The following RALGAPA2 variants were observed in gnomAD, a reference collection of about 807,000 sequenced individuals.
The protein encoded by RALGAPA2 is Ral GTPase activating protein catalytic subunit alpha 2.
Under a neutral mutation model 230.4 loss-of-function variants are expected in RALGAPA2, and 139 were observed. The observed-to-expected ratio is 0.60, with a 90% CI of 0.53 to 0.69. The LOEUF (loss-of-function observed/expected upper bound fraction) is 0.69, where lower values mean the gene tolerates loss of function less well. Among genes scored for constraint, RALGAPA2 ranks in the 30% least tolerant of loss-of-function variants. The pLI is 0.00. For missense variants in RALGAPA2, 2,163 were observed against 2,276.0 expected, an observed-to-expected ratio of 0.95 and a Z score of 1.01; for synonymous variants, 847 against 837.8, an observed-to-expected ratio of 1.01 and a Z score of -0.19.
At position 20,620,691 on chromosome 20, in the gene RALGAPA2, C is replaced by T. The variant is rs1249347389; in HGVS notation, c.1234-61G>A. The T allele has an allele frequency of 6.7e-6, 9 of 1,346,176 alleles. No individual in the cohort carries two copies. The East Asian group carries it at 2.0e-4, about 30-fold the overall frequency. 83.4% of individuals were successfully genotyped at this position (1,346,176 alleles called of 1,614,324 possible). A position where few individuals can be genotyped will look rare whatever the true frequency, so the allele number is the denominator to read the frequency against. On this transcript the variant is annotated intron_variant, in intron 10 of 39. Coordinates refer to ENST00000202677, the MANE Select transcript of RALGAPA2 (RefSeq NM_020343.4). ...ACACACTCAGATCAGTATAGGGCAG[C>T]ATCACGGACATTCCCAATGAGCATC... is the stretch of plus-strand genomic sequence containing the variant.
chr20:20,528,982 G>A (rs756204865), intron 27 of RALGAPA2, among the ~76,000 whole-genome samples: 15 of 151,916 alleles, frequency 9.9e-5, no homozygotes, highest in Non-Finnish European at 1.8e-4. Context: ...TGTTCTCCTC[G>A]TTCCTTGTAG....
rs956393074 is a variant in RALGAPA2, at chr20:20,530,059, A to G, written c.3582+1628T>C. ...AGCCAACTTGTTTTCACTTTAATAA[A>G]TTATATGTAAATATTTCTCCATGGC... On this transcript the variant is annotated intron_variant, in intron 27 of 39. Transcript: ENST00000202677. Among the ~76,000 whole-genome samples the G allele has an allele frequency of 2.0e-5, 3 of 152,240 alleles. No homozygotes were observed. In the East Asian group the frequency reaches 5.8e-4, roughly 29 times the overall value.
chr20:20,609,257 C>T (rs1603047978), intron 14 of RALGAPA2, among the ~76,000 whole-genome samples: 1 of 152,138 alleles, frequency 6.6e-6, no homozygotes, highest in East Asian at 1.9e-4. Flanking sequence ...CCTCAGCCTC[C>T]CAAAGTGCTG....
At chr20:20,701,832 G>C (rs1391213637) in intron 1 of RALGAPA2, among the ~76,000 whole-genome samples, 1 of 151,990 alleles carries the variant, frequency 6.6e-6, no homozygotes, top group Non-Finnish European at 1.5e-5. Flanking sequence ...ACAAGGTCAG[G>C]AGTTCGAGAC....
In RALGAPA2 at chr20:20,512,223, C is replaced by CCACACACACA. The variant is rs2062727247; in HGVS notation, c.4856+289_4856+290insTGTGTGTGTG. ...AAACAAACAACAACAACAACCCCCC[C>CCACACACACA]TACACACACACACACATACACACAC... On this transcript the variant is annotated intron_variant, in intron 32 of 39. Transcript: ENST00000202677. 2.2e-5 allele frequency among the ~76,000 whole-genome samples: 3 copies of CCACACACACA among 135,722 alleles called. No homozygotes were observed. In the South Asian group the frequency reaches 6.9e-4, roughly 31 times the overall value. The allele number at this position is 135,722 out of a possible 152,430, so 89.0% of individuals were successfully genotyped here.
intron 10 of RALGAPA2, among the ~76,000 whole-genome samples, chr20:20,621,320 G>A (rs1232054982): frequency 6.6e-6 from 1 of 152,164 alleles, no homozygotes; most frequent in African/African-American, 2.4e-5. Context: ...GGGACATGCT[G>A]GTACAGCAAG....
At chr20:20,407,981 T>C (rs906397920) in intron 38 of RALGAPA2, among the ~76,000 whole-genome samples, 16 of 152,214 alleles carry the variant, frequency 1.1e-4, no homozygotes, top group African/African-American at 3.6e-4. Flanking sequence ...TCCTGGAGCC[T>C]TGACAATCCA....
At chr20:20,401,298 G>A (rs1476478894) in intron 38 of RALGAPA2, among the ~76,000 whole-genome samples, 1 of 152,100 alleles carries the variant, frequency 6.6e-6, no homozygotes, top group African/African-American at 2.4e-5. Context: ...CAAGATTTTA[G>A]AAGAAAAATC....
intron 2 of RALGAPA2, among the ~76,000 whole-genome samples, chr20:20,677,629 ATTTTTTTTTTTT>A (rs758379115): frequency 6.5e-4 from 42 of 64,310 alleles, no homozygotes; most frequent in African/African-American, 3.6e-4. Flanking sequence ...GATTTGACCC[ATTTTTTTTTTTT>A]TTTTTTTTTT....
At chr20:20,489,024 T>G (rs1227641171) in intron 36 of RALGAPA2, among the ~76,000 whole-genome samples, 2 of 152,224 alleles carry the variant, frequency 1.3e-5, no homozygotes, top group African/African-American at 4.8e-5. Flanking sequence ...TGGAGATGCA[T>G]GAAAGGCCAG....
intron 33 of RALGAPA2, among the ~76,000 whole-genome samples, chr20:20,510,811 T>C (rs1354527929): frequency 6.6e-6 from 1 of 152,224 alleles, no homozygotes; most frequent in Non-Finnish European, 1.5e-5. Flanking sequence ...GGTTTTAACC[T>C]TTCCAACACT....
intron 37 of RALGAPA2, among the ~76,000 whole-genome samples, chr20:20,468,499 T>C (rs2061469486): frequency 6.6e-6 from 1 of 152,188 alleles, no homozygotes; most frequent in Admixed American, 6.5e-5. Context: ...AGTAATTCAG[T>C]TCTAGGTCCT....
intron 14 of RALGAPA2, among the ~76,000 whole-genome samples, chr20:20,606,384 T>C (rs1033889512): frequency 6.6e-6 from 1 of 152,176 alleles, no homozygotes; most frequent in African/African-American, 2.4e-5. Context: ...TCCTGATCTA[T>C]CTACCTAGGT....
Position 20,635,247 on chromosome 20 carries a change from A to G in RALGAPA2, c.1005+171T>C, listed in dbSNP as rs186561636. Reference sequence around the variant, plus strand: ...AATGCACAGCAAGTGATTCAAACTCACAACTCCCTCTGAAACCTTGGCATT... The same window carrying G: ...AATGCACAGCAAGTGATTCAAACTCGCAACTCCCTCTGAAACCTTGGCATT... On this transcript the variant is annotated intron_variant, in intron 9 of 39. Coordinates refer to ENST00000202677, the MANE Select transcript of RALGAPA2 (RefSeq NM_020343.4). 5.1e-5 allele frequency: 35 copies of G among 690,432 alleles called. 1 individual carries two copies. The African/African-American group carries it at 5.6e-4, about 11-fold the overall frequency. 42.8% of individuals were successfully genotyped at this position (690,432 alleles called of 1,614,324 possible). A position where few individuals can be genotyped will look rare whatever the true frequency, so the allele number is the denominator to read the frequency against.
intron 23 of RALGAPA2, among the ~76,000 whole-genome samples, chr20:20,552,750 T>C (rs1226911220): frequency 6.6e-6 from 1 of 152,162 alleles, no homozygotes; most frequent in African/African-American, 2.4e-5. Flanking sequence ...TCAGAAATGC[T>C]GAGTGACGAG....
intron 12 of RALGAPA2, among the ~76,000 whole-genome samples, chr20:20,616,781 T>A (rs2066157266): frequency 6.6e-6 from 1 of 152,202 alleles, no homozygotes; most frequent in Non-Finnish European, 1.5e-5. Context: ...TATTTTTTTT[T>A]AATATGAAAG....
chr20:20,505,650 C>T, intron 33 of RALGAPA2, 116 bp from the exon 34 acceptor site: 1 of 875,866 alleles, frequency 1.1e-6, no homozygotes, highest in Non-Finnish European at 1.7e-6. Context: ...TGAGAACCTG[C>T]TAGAGGTCAG....
At chr20:20,410,585 C>T (rs559077986) in intron 38 of RALGAPA2, among the ~76,000 whole-genome samples, 1 of 152,278 alleles carries the variant, frequency 6.6e-6, no homozygotes, top group East Asian at 1.9e-4. Flanking sequence ...AAATTAGAAA[C>T]GATTTAAAAT....
intron 30 of RALGAPA2, among the ~76,000 whole-genome samples, chr20:20,522,046 T>G (rs1394233498): frequency 1.3e-5 from 2 of 152,156 alleles, no homozygotes; most frequent in Non-Finnish European, 2.9e-5. Flanking sequence ...AATTTAAAAA[T>G]TAAGCTGCAA....
Sources: gnomAD v4.1 joint callset for allele counts (sites outside exome capture counted in the v4.1 genomes callset) on GRCh38, gnomAD v4.1.1 for gene constraint, MANE v1.5 for transcripts, NCBI Gene and HGNC (gene_info 2026-07-23, HGNC 2026-07-21) for gene names.